The following PNPLA3 variants were observed in gnomAD, a reference collection of about 807,000 sequenced individuals.
PNPLA3 encodes 1-acylglycerol-3-phosphate O-acyltransferase PNPLA3.
In PNPLA3, 42 loss-of-function variants were observed where a neutral mutation model predicts 43.1. The ratio of observed to expected loss-of-function variants is 0.97; its 90% confidence interval spans 0.76 to 1.26. The LOEUF (loss-of-function observed/expected upper bound fraction) is 1.26. PNPLA3 is among the 50% of genes most tolerant of loss of function. PNPLA3 has a pLI of 0.00. For missense variants in PNPLA3, 647 were observed against 621.4 expected (o/e 1.04, Z -0.44); for synonymous variants, 272 against 253.6 (o/e 1.07, Z -0.69).
intron 4 of PNPLA3, 60 bp from the exon 5 acceptor site, chr22:43,934,545 GC>G: frequency 6.7e-7 from 1 of 1,499,670 alleles, no homozygotes; most frequent in Non-Finnish European, 9.3e-7. Flanking sequence ...TTCCAATGAT[GC>G]TGAAATAAAT....
chr22:43,940,247 C>T, intron 7 of PNPLA3, 122 bp downstream of exon 7: 1 of 1,207,512 alleles, frequency 8.3e-7, no homozygotes, highest in Non-Finnish European at 1.2e-6. Context: ...TCACAGCTCA[C>T]AGTCTATGTG....
chr22:43,945,037 T>C (rs920098155), intron 8 of PNPLA3, among the ~76,000 whole-genome samples: 1 of 152,116 alleles, frequency 6.6e-6, no homozygotes, highest in African/African-American at 2.4e-5. Flanking sequence ...ATGAGTCTCT[T>C]TGAGTGCAGC....
chr22:43,930,307 C>T (rs2049953817), intron 3 of PNPLA3, among the ~76,000 whole-genome samples: 1 of 152,296 alleles, frequency 6.6e-6, no homozygotes, highest in Non-Finnish European at 1.5e-5. Flanking sequence ...CAGGGCATGT[C>T]TTGGTTCACT....
chr22:43,930,169 G>T lies in PNPLA3; in HGVS notation c.486+1280G>T, dbSNP rs147481805. On this transcript the variant is annotated intron_variant, in intron 3 of 8. Transcript: ENST00000216180. The stretch of plus-strand genomic sequence containing the variant: ...GTGCTCCTGTGCGTTATCTTATAGG[G>T]TCCCCACAACCAAGGGGAGATGTGA... Among the ~76,000 whole-genome samples the T allele has an allele frequency of 5.9e-5, 9 of 152,246 alleles. No individual in the cohort carries two copies. The East Asian group carries it at 1.7e-3, about 29-fold the overall frequency.
At chr22:43,930,686 G>C (rs2049956157) in intron 3 of PNPLA3, among the ~76,000 whole-genome samples, 1 of 152,312 alleles carries the variant, frequency 6.6e-6, no homozygotes, top group Middle Eastern at 3.4e-3. Flanking sequence ...GCTGAGTTCA[G>C]TGAATATGTG....
At chr22:43,934,546 C>A in intron 4 of PNPLA3, 60 bp from the exon 5 acceptor site, 1 of 1,503,204 alleles carries the variant, frequency 6.7e-7, no homozygotes, top group Non-Finnish European at 9.3e-7. Flanking sequence ...TCCAATGATG[C>A]TGAAATAAAT....
rs1002673399 is a variant in PNPLA3 at position 43,946,823 on chromosome 22, T to C, written c.*441T>C. ...CACTTCCCCATGCTGTGGGAAGGGGTGCAGTTCGTCCCCAAGAACGACACT... is the reference window on the plus strand; with the variant it reads ...CACTTCCCCATGCTGTGGGAAGGGGCGCAGTTCGTCCCCAAGAACGACACT... On this transcript the variant is annotated 3_prime_UTR_variant, in exon 9 of 9. Transcript: ENST00000216180. 9 of 483,346 alleles carry C rather than the reference T, an allele frequency of 1.9e-5. No individual in the cohort carries two copies. In the Admixed American group the frequency reaches 1.9e-4, roughly 10 times the overall value. The allele number at this position is 483,346 out of a possible 1,614,324, so 29.9% of individuals were successfully genotyped here.
At chr22:43,932,248 T>G (rs954047176) in intron 3 of PNPLA3, among the ~76,000 whole-genome samples, 5 of 152,184 alleles carry the variant, frequency 3.3e-5, no homozygotes, top group Non-Finnish European at 4.4e-5. Context: ...ACCCTTAGAA[T>G]AATTTATCCA....
intron 2 of PNPLA3, among the ~76,000 whole-genome samples, chr22:43,927,509 G>A (rs901536133): frequency 1.3e-5 from 2 of 148,848 alleles, no homozygotes; most frequent in African/African-American, 2.5e-5. Flanking sequence ...AAAAAAGAAA[G>A]ACTGTTTTGT....
chr22:43,939,293 T>A, intron 6 of PNPLA3: 12 of 748,764 alleles, frequency 1.6e-5, no homozygotes, highest in Non-Finnish European at 2.0e-5. Context: ...ACAAGATGAT[T>A]CTTTGCCTCA....
At chr22:43,931,219 G>A (rs2146779311) in intron 3 of PNPLA3, among the ~76,000 whole-genome samples, 1 of 152,322 alleles carries the variant, frequency 6.6e-6, no homozygotes, top group East Asian at 1.9e-4. Flanking sequence ...ATCACCCGTT[G>A]AGTGCGCTCA....
intron 7 of PNPLA3, 128 bp downstream of exon 7, chr22:43,940,253 A>C (rs912170847): frequency 9.1e-5 from 103 of 1,136,838 alleles, no homozygotes; most frequent in Non-Finnish European, 1.2e-4. Flanking sequence ...CTCACAGTCT[A>C]TGTGCAATGC....
At chr22:43,944,479 G>T (rs1217898946) in intron 7 of PNPLA3, among the ~76,000 whole-genome samples, 1 of 152,064 alleles carries the variant, frequency 6.6e-6, no homozygotes, top group African/African-American at 2.4e-5. Flanking sequence ...TTATTTCAGT[G>T]TAAGTCCCTT....
intron 6 of PNPLA3, among the ~76,000 whole-genome samples, chr22:43,939,083 G>A (rs1325525054): frequency 1.3e-5 from 2 of 152,054 alleles, no homozygotes; most frequent in Non-Finnish European, 2.9e-5. Flanking sequence ...ACACCACCAC[G>A]CCTGGCTAAT....
intron 7 of PNPLA3, among the ~76,000 whole-genome samples, chr22:43,942,094 C>T (rs760626145): frequency 2.4e-4 from 36 of 152,134 alleles, no homozygotes; most frequent in Non-Finnish European, 4.3e-4. Context: ...GGGAATGAGC[C>T]AGCCCATCCC....
intron 7 of PNPLA3, among the ~76,000 whole-genome samples, chr22:43,942,926 C>T (rs1035766992): frequency 2.6e-5 from 4 of 152,104 alleles, no homozygotes; most frequent in African/African-American, 7.2e-5. Flanking sequence ...ACTTTTTCTT[C>T]CTCTTCCTGG....
chr22:43,936,096 T>C (rs2049993762), intron 5 of PNPLA3, among the ~76,000 whole-genome samples: 1 of 151,918 alleles, frequency 6.6e-6, no homozygotes, highest in Non-Finnish European at 1.5e-5. Flanking sequence ...CAAGGGGAGA[T>C]GGGGAGATGT....
chr22:43,936,313 G>C (rs2049995103), intron 5 of PNPLA3, among the ~76,000 whole-genome samples: 1 of 152,172 alleles, frequency 6.6e-6, no homozygotes, highest in Admixed American at 6.5e-5. Flanking sequence ...TATCTTGGGG[G>C]GCAAGGCTCA....
intron 7 of PNPLA3, among the ~76,000 whole-genome samples, chr22:43,941,974 A>T (rs2050033827): frequency 1.3e-5 from 2 of 152,170 alleles, no homozygotes; most frequent in African/African-American, 4.8e-5. Context: ...CCTCCTGTGG[A>T]TGTGGCCCTG....
Sources: allele counts gnomAD v4.1 joint callset (sites outside exome capture counted in the v4.1 genomes callset), GRCh38; gene constraint gnomAD v4.1.1; transcripts MANE v1.5; gene names NCBI Gene and HGNC (gene_info 2026-07-23, HGNC 2026-07-21).